Variants in NAALADL2 observed in about 807,000 individuals in gnomAD.
NAALADL2 encodes inactive N-acetylated-alpha-linked acidic dipeptidase-like protein 2.
A neutral mutation model predicts 87.2 loss-of-function variants in NAALADL2; 76 were observed. The observed-to-expected ratio is 0.87, with a 90% CI of 0.72 to 1.05. The LOEUF (loss-of-function observed/expected upper bound fraction) is 1.05. Ranked by LOEUF, NAALADL2 falls within the 50% of genes least tolerant of loss-of-function variation. The probability of loss-of-function intolerance (pLI) is 0.00; values close to 1 mark genes in which losing one functional copy is unlikely to be tolerated. For missense variants in NAALADL2, 1,089 were observed against 945.8 expected (o/e 1.15, Z -1.99); for synonymous variants, 354 against 331.0 (o/e 1.07, Z -0.75).
chr3:175,207,818 C>A (rs987827520), intron 2 of NAALADL2, among the ~76,000 whole-genome samples: 1 of 152,062 alleles, frequency 6.6e-6, no homozygotes, highest in African/African-American at 2.4e-5. Context: ...GAATTAAATG[C>A]ACTGACAGAG....
intron 1 of NAALADL2, among the ~76,000 whole-genome samples, chr3:174,451,303 A>T (rs1352297090): frequency 6.6e-6 from 1 of 152,150 alleles, no homozygotes; most frequent in Admixed American, 6.5e-5. Context: ...GAATGGAGAA[A>T]TTTGCTCTTG....
chr3:175,560,770 C>T (rs879917490), intron 9 of NAALADL2, among the ~76,000 whole-genome samples: 28 of 152,196 alleles, frequency 1.8e-4, no homozygotes, highest in Middle Eastern at 3.4e-3. Flanking sequence ...TACAGGCACG[C>T]GCCATCATGC....
intron 3 of NAALADL2, among the ~76,000 whole-genome samples, chr3:174,776,323 T>C (rs921235623): frequency 1.8e-4 from 28 of 152,210 alleles, no homozygotes; most frequent in African/African-American, 5.8e-4. Context: ...TGGGTAATGA[T>C]ATCAGAAATA....
At chr3:175,535,970 C>G (rs770365952) in intron 9 of NAALADL2, among the ~76,000 whole-genome samples, 13 of 152,144 alleles carry the variant, frequency 8.5e-5, no homozygotes, top group Non-Finnish European at 1.6e-4. Context: ...AGGCGCAACG[C>G]AGTTTAATAC....
intron 1 of NAALADL2, among the ~76,000 whole-genome samples, chr3:174,942,650 C>T (rs1330642968): frequency 2.6e-5 from 4 of 152,094 alleles, no homozygotes; most frequent in Non-Finnish European, 4.4e-5. Flanking sequence ...TGCTTTCTCC[C>T]CCTCCTTTTC....
chr3:174,516,977 T>A (rs1447397053), intron 1 of NAALADL2, among the ~76,000 whole-genome samples: 1 of 151,968 alleles, frequency 6.6e-6, no homozygotes, highest in African/African-American at 2.4e-5. Flanking sequence ...TTCTTTAGGT[T>A]TTAAAAACAT....
At chr3:175,556,075 G>A (rs775050741) in intron 9 of NAALADL2, among the ~76,000 whole-genome samples, 4 of 152,108 alleles carry the variant, frequency 2.6e-5, no homozygotes, top group Admixed American at 6.6e-5. Flanking sequence ...GGTAGCCAGC[G>A]ACTCACTTCA....
chr3:175,078,174 A>C (rs931354904), intron 1 of NAALADL2, among the ~76,000 whole-genome samples: 6 of 151,758 alleles, frequency 4.0e-5, no homozygotes, highest in Admixed American at 6.6e-5. Context: ...ACAGGCATGC[A>C]CCACCATGCC....
At chr3:175,499,647 G>A (rs893884244) in intron 9 of NAALADL2, among the ~76,000 whole-genome samples, 5 of 152,018 alleles carry the variant, frequency 3.3e-5, no homozygotes, top group Non-Finnish European at 5.9e-5. Flanking sequence ...GGAGCCTTAC[G>A]TGGGCATTTC....
At chr3:175,137,182 T>C (rs1318996008) in intron 2 of NAALADL2, among the ~76,000 whole-genome samples, 2 of 152,028 alleles carry the variant, frequency 1.3e-5, no homozygotes, top group Non-Finnish European at 2.9e-5. Context: ...TATGGAAAAA[T>C]TGAAAAATGC....
intron 3 of NAALADL2, among the ~76,000 whole-genome samples, chr3:174,783,597 C>A (rs1716260759): frequency 6.6e-6 from 1 of 152,074 alleles, no homozygotes; most frequent in African/African-American, 2.4e-5. Flanking sequence ...CCTGATTCTT[C>A]AATTCTCCAC....
chr3:175,374,525 C>CA (rs1301557355), intron 5 of NAALADL2, among the ~76,000 whole-genome samples: 4 of 110,908 alleles, frequency 3.6e-5, no homozygotes, highest in Non-Finnish European at 5.0e-5. Flanking sequence ...GTCTGGTTGA[C>CA]AGAGTGCTGA....
chr3:175,719,092 A>G (rs1456691522), intron 11 of NAALADL2, among the ~76,000 whole-genome samples: 2 of 152,048 alleles, frequency 1.3e-5, no homozygotes, highest in Non-Finnish European at 2.9e-5. Context: ...ATCTTCAGGA[A>G]GGAAGATTGA....
intron 13 of NAALADL2, among the ~76,000 whole-genome samples, chr3:175,787,963 T>A (rs1428964888): frequency 6.6e-6 from 1 of 152,072 alleles, no homozygotes; most frequent in Non-Finnish European, 1.5e-5. Context: ...GTTAATGAAG[T>A]CTATAATAGT....
At chr3:174,465,481 A>G (rs142291360) in intron 1 of NAALADL2, among the ~76,000 whole-genome samples, 1 of 152,340 alleles carries the variant, frequency 6.6e-6, no homozygotes, top group East Asian at 1.9e-4. Context: ...TAAGATACCA[A>G]ATTTGTTATA....
At chr3:175,342,328 G>A (rs1344266328) in intron 5 of NAALADL2, among the ~76,000 whole-genome samples, 1 of 152,132 alleles carries the variant, frequency 6.6e-6, no homozygotes, top group Non-Finnish European at 1.5e-5. Context: ...TGGGTGGAAA[G>A]TAGGATGGGG....
chr3:174,494,421 C>A (rs1173865080), intron 1 of NAALADL2, among the ~76,000 whole-genome samples: 1 of 145,196 alleles, frequency 6.9e-6, no homozygotes, highest in African/African-American at 2.6e-5. Context: ...GGGAATTGAA[C>A]AATGAGAACA....
intron 3 of NAALADL2, among the ~76,000 whole-genome samples, chr3:174,845,224 G>T (rs111514759): frequency 7.2e-5 from 11 of 152,290 alleles, no homozygotes; most frequent in African/African-American, 2.6e-4. Flanking sequence ...ACCACCTCCA[G>T]GCTGGCTGTT....
chr3:175,491,262 T>C (rs1728055575), intron 9 of NAALADL2, among the ~76,000 whole-genome samples: 1 of 151,020 alleles, frequency 6.6e-6, no homozygotes, highest in Admixed American at 6.6e-5. Context: ...AATATTATTT[T>C]ATTGTTCTAT....
Sources: gnomAD v4.1 joint callset for allele counts (sites outside exome capture counted in the v4.1 genomes callset) on GRCh38, gnomAD v4.1.1 for gene constraint, MANE v1.5 for transcripts, NCBI Gene and HGNC (gene_info 2026-07-23, HGNC 2026-07-21) for gene names.